The following DEPDC4 variants were observed in gnomAD, a reference collection of about 807,000 sequenced individuals.
DEPDC4 encodes the protein DEP domain-containing protein 4.
In DEPDC4, 52 loss-of-function variants were observed where a neutral mutation model predicts 52.0. That is an observed-to-expected ratio of 1.00 (90% confidence interval 0.80 to 1.26). The LOEUF is 1.26. Among genes scored for constraint, DEPDC4 ranks in the 50% most tolerant of loss-of-function variants. The pLI, the probability that DEPDC4 is intolerant of heterozygous loss-of-function variation, is 0.00. For missense variants in DEPDC4, 530 were observed against 546.9 expected, an observed-to-expected ratio of 0.97 and a Z score of 0.31; for synonymous variants, 201 against 196.8, an observed-to-expected ratio of 1.02 and a Z score of -0.18.
At chr12:100,247,094 T>G (rs924192875) in intron 8 of DEPDC4, among the ~76,000 whole-genome samples, 6 of 151,226 alleles carry the variant, frequency 4.0e-5, no homozygotes, top group Admixed American at 3.3e-4. Context: ...AGAGATAAAA[T>G]AGGTAAGCTA....
At chr12:100,234,646 G>A (rs1207348171) in intron 9 of DEPDC4, among the ~76,000 whole-genome samples, 1 of 152,124 alleles carries the variant, frequency 6.6e-6, no homozygotes, top group Admixed American at 6.6e-5. Context: ...TCATCTCGTA[G>A]AGACCGAATA....
At chr12:100,234,867 C>T (rs2096139027) in intron 9 of DEPDC4, among the ~76,000 whole-genome samples, 1 of 152,086 alleles carries the variant, frequency 6.6e-6, no homozygotes, top group African/African-American at 2.4e-5. Context: ...TCTTTTTAAG[C>T]CTAATAACTG....
rs1239648592 is a variant in DEPDC4, at chr12:100,240,517, T to C, written c.*1375A>G. ...TCCCATAGGTATTGAATCTGTAACC[T>C]CTGCTACATTAGGGAATGATGCCAT... On this transcript the variant is annotated 3_prime_UTR_variant, in exon 10 of 10. Coordinates refer to ENST00000550587, the MANE Select transcript of DEPDC4 (RefSeq NM_001364818.2). Among the ~76,000 whole-genome samples, 1 of 152,066 alleles carries C rather than the reference T, an allele frequency of 6.6e-6. No homozygotes were observed. Among genetic ancestry groups the C allele is most frequent in the African/African-American group, 2.4e-5 (1 of 41,384 alleles).
intron 9 of DEPDC4, among the ~76,000 whole-genome samples, chr12:100,231,884 G>T (rs946021575): frequency 1.3e-5 from 2 of 151,918 alleles, no homozygotes; most frequent in African/African-American, 2.4e-5. Context: ...GGCAGAGGTT[G>T]CAGTGAGCTG....
At chr12:100,244,093 G>GAATATATATATATA (rs1555310287) in intron 8 of DEPDC4, among the ~76,000 whole-genome samples, 1 of 89,302 alleles carries the variant, frequency 1.1e-5, no homozygotes, top group Non-Finnish European at 2.2e-5. Context: ...CTCTCTCTCT[G>GAATATATATATATA]TGTATATATA....
intron 5 of DEPDC4, 55 bp from the exon 6 acceptor site, chr12:100,252,591 G>C: frequency 6.7e-7 from 1 of 1,502,476 alleles, no homozygotes; most frequent in Non-Finnish European, 9.0e-7. Context: ...GGAGAGTATA[G>C]TAAGTATTTA....
Position 100,262,196 on chromosome 12 carries a change from T to C in DEPDC4, c.700+68A>G, listed in dbSNP as rs968791012. On this transcript the variant is annotated intron_variant, in intron 3 of 9. Transcript: ENST00000550587. Reference sequence around the variant, plus strand: ...TTTGCCGTGACCTTGAAACTGCTTATAAGAACCTGTTAAAAAGAAGTTAGT... The same window carrying C: ...TTTGCCGTGACCTTGAAACTGCTTACAAGAACCTGTTAAAAAGAAGTTAGT... 19 of 1,510,200 alleles carry C rather than the reference T, an allele frequency of 1.3e-5. No individual in the cohort carries two copies. In the Admixed American group the frequency reaches 1.3e-4, roughly 10 times the overall value. 93.5% of individuals were successfully genotyped at this position (1,510,200 alleles called of 1,614,324 possible). A position where few individuals can be genotyped will look rare whatever the true frequency, so the allele number is the denominator to read the frequency against.
chr12:100,233,064 AAAC>A (rs1341530989), intron 9 of DEPDC4, among the ~76,000 whole-genome samples: 5 of 152,180 alleles, frequency 3.3e-5, no homozygotes, highest in Non-Finnish European at 7.3e-5. Context: ...CCTAGGTTCA[AAAC>A]AACGAGTAAA....
At chr12:100,241,960 T>A in intron 9 of DEPDC4, 115 bp from the exon 10 acceptor site, 1 of 539,000 alleles carries the variant, frequency 1.9e-6, no homozygotes, top group Non-Finnish European at 2.4e-6. Context: ...TACCTATGCC[T>A]AGGCTTTCTT....
intron 8 of DEPDC4, among the ~76,000 whole-genome samples, chr12:100,247,864 C>A (rs2096192360): frequency 6.6e-6 from 1 of 152,144 alleles, no homozygotes; most frequent in East Asian, 1.9e-4. Context: ...TGTAAATGTT[C>A]TTTCCAACAA....
At chr12:100,276,030 G>A in the DEPDC4 span, among the ~76,000 whole-genome samples, 3,149 of 152,170 alleles carry the variant, frequency 0.021, 45 homozygotes, top group Non-Finnish European at 0.034. Context: ...CCATTTGGTC[G>A]TGGGGTTGGA....
chr12:100,263,763 A>G lies in DEPDC4; in HGVS notation c.288T>C (p.Ala96=), dbSNP rs2096262367. Residue 96 remains alanine (A), a synonymous_variant, in exon 2 of 10, where the codon GCT becomes GCC. Coordinates refer to ENST00000550587, the MANE Select transcript of DEPDC4 (RefSeq NM_001364818.2). The part of the protein sequence containing the change: ...TYKDCFTGSD[A]VDVVLSHLMQ... ...TAAGATGACTTAAGACCACATCGAC[A>G]GCATCAGAACCAGTGAAACAGTCTT... 2 of 1,614,088 alleles carry G rather than the reference A, an allele frequency of 1.2e-6. No individual in the cohort carries two copies. Among genetic ancestry groups the G allele is most frequent in the African/African-American group, 2.7e-5 (2 of 74,946 alleles).
intron 8 of DEPDC4, among the ~76,000 whole-genome samples, chr12:100,243,505 C>A (rs1332477603): frequency 6.6e-6 from 1 of 152,142 alleles, no homozygotes; most frequent in Admixed American, 6.6e-5. Context: ...CTACCCTTGG[C>A]ACTACACATT....
upstream of DEPDC4, among the ~76,000 whole-genome samples, chr12:100,269,802 GGATACA>G (rs1178164571): frequency 6.6e-6 from 1 of 152,070 alleles, no homozygotes; most frequent in Non-Finnish European, 1.5e-5. Context: ...AGCTTTCTCA[GGATACA>G]GATATACTTC....
At chr12:100,260,274 C>T (rs749809238) in intron 3 of DEPDC4, among the ~76,000 whole-genome samples, 40 of 151,778 alleles carry the variant, frequency 2.6e-4, no homozygotes, top group Non-Finnish European at 4.1e-4. Context: ...GCACGCACCA[C>T]GACACCTGGC....
In DEPDC4 at chr12:100,253,734, C is replaced by T; in HGVS notation, c.879-19G>A. ...ATCGATTCTAGAGGGAAAATGCAAA[C>T]CAAAATAAAGCAATGGTTAACATTT... On this transcript the variant is annotated intron_variant, in intron 4 of 9. Transcript: ENST00000550587. 8.1e-7 allele frequency: 1 copy of T among 1,227,624 alleles called. No homozygotes were observed. Among genetic ancestry groups the T allele is most frequent in the Non-Finnish European group, 1.1e-6 (1 of 938,558 alleles). The allele number at this position is 1,227,624 out of a possible 1,614,324, so 76.0% of individuals were successfully genotyped here.
chr12:100,267,143 A>AAGTGACG, upstream of DEPDC4: 1 of 1,541,508 alleles, frequency 6.5e-7, no homozygotes, highest in Middle Eastern at 2.0e-4. Flanking sequence ...AACCGGCAGG[A>AAGTGACG]AGTGACGTCA....
intron 1 of DEPDC4, among the ~76,000 whole-genome samples, chr12:100,264,991 T>A (rs2096266493): frequency 6.6e-6 from 1 of 152,014 alleles, no homozygotes; most frequent in South Asian, 2.1e-4. Context: ...AATGAAAACC[T>A]AAAAACAATC....
intron 8 of DEPDC4, among the ~76,000 whole-genome samples, chr12:100,243,849 C>T (rs2096170917): frequency 6.6e-6 from 1 of 151,880 alleles, no homozygotes; most frequent in Non-Finnish European, 1.5e-5. Context: ...ATTAAGATAG[C>T]TCTAATTGGC....
Sources: allele counts gnomAD v4.1 joint callset (sites outside exome capture counted in the v4.1 genomes callset), GRCh38; gene constraint gnomAD v4.1.1; transcripts MANE v1.5; gene names NCBI Gene and HGNC (gene_info 2026-07-23, HGNC 2026-07-21).